MAP2K4: variants seen among roughly 807,000 people sequenced by gnomAD.
The protein encoded by MAP2K4 is mitogen-activated protein kinase kinase 4, also known as dual specificity mitogen-activated protein kinase kinase 4.
Under a neutral mutation model 48.5 loss-of-function variants are expected in MAP2K4, and 4 were observed. The observed-to-expected ratio is 0.08, with a 90% CI of 0.04 to 0.19. The LOEUF (loss-of-function observed/expected upper bound fraction) is 0.19. MAP2K4 is among the 10% of genes least tolerant of loss of function. The pLI is 1.00. For missense variants in MAP2K4, 258 were observed against 493.3 expected (o/e 0.52, Z 4.52); for synonymous variants, 166 against 173.1 (o/e 0.96, Z 0.32).
intron 8 of MAP2K4, 124 bp from the exon 9 acceptor site, chr17:12,129,015 C>A: frequency 1.3e-6 from 1 of 782,354 alleles, no homozygotes; most frequent in South Asian, 1.8e-5. Context: ...CCCAAGCTAA[C>A]CTGTGTTTAA....
At position 12,095,556 on chromosome 17, in the gene MAP2K4, T is replaced by G; in HGVS notation, c.394-19T>G. 1 of 1,613,356 alleles carries G rather than the reference T, an allele frequency of 6.2e-7. No individual in the cohort carries two copies. The highest frequency in any genetic ancestry group is 2.2e-5 in the East Asian group (1 of 44,794). On this transcript the variant is annotated intron_variant, in intron 3 of 10. Transcript: ENST00000353533. ...AAAATTATTGTGTTTTTTTGACATCTTTTGTCATTCTTTTCCAGAGAATTC... is the reference window on the plus strand; with the variant it reads ...AAAATTATTGTGTTTTTTTGACATCGTTTGTCATTCTTTTCCAGAGAATTC...
At chr17:12,061,771 T>C (rs188382170) in intron 2 of MAP2K4, among the ~76,000 whole-genome samples, 212 of 152,318 alleles carry the variant, frequency 1.4e-3, no homozygotes, top group African/African-American at 4.8e-3. Context: ...CAGGCAGTTA[T>C]GTTTTTGAGT....
At chr17:12,123,687 G>A (rs1224855397) in intron 7 of MAP2K4, among the ~76,000 whole-genome samples, 1 of 151,876 alleles carries the variant, frequency 6.6e-6, no homozygotes, top group African/African-American at 2.4e-5. Context: ...TTTCTTCTGA[G>A]CACTACTTCT....
chr17:12,027,893 A>G lies in MAP2K4; in HGVS notation c.115+6892A>G, dbSNP rs73977806. The stretch of plus-strand genomic sequence containing the variant: ...AGAAAGACTGGTTTTGTGTAGGTTA[A>G]GCTGGTCTGGTGAGCACCAGAAAGA... On this transcript the variant is annotated intron_variant, in intron 1 of 10. Transcript: ENST00000353533. Among the ~76,000 whole-genome samples the G allele has an allele frequency of 6.7e-3, 1,015 of 152,162 alleles. 16 individuals are homozygous for G. The highest frequency in any genetic ancestry group is 0.024 in the African/African-American group (982 of 41,508).
At chr17:12,068,328 TAC>T (rs1254333260) in intron 2 of MAP2K4, among the ~76,000 whole-genome samples, 1 of 152,230 alleles carries the variant, frequency 6.6e-6, no homozygotes, top group Non-Finnish European at 1.5e-5. Context: ...ACTGATTATT[TAC>T]AGTCTAAAGT....
intron 1 of MAP2K4, among the ~76,000 whole-genome samples, chr17:12,045,183 CAT>C (rs1491574713): frequency 6.6e-6 from 1 of 151,936 alleles, no homozygotes; most frequent in Admixed American, 6.6e-5. Flanking sequence ...GTGTTGTACA[CAT>C]TTTTTTTTTC....
At chr17:12,140,378 G>A (rs1383103332) in intron 10 of MAP2K4, among the ~76,000 whole-genome samples, 1 of 152,148 alleles carries the variant, frequency 6.6e-6, no homozygotes, top group African/African-American at 2.4e-5. Context: ...ATCTAATAAT[G>A]TGGGAATATT....
At chr17:12,062,825 T>C (rs1970492552) in intron 2 of MAP2K4, among the ~76,000 whole-genome samples, 1 of 152,184 alleles carries the variant, frequency 6.6e-6, no homozygotes, top group Non-Finnish European at 1.5e-5. Flanking sequence ...TTTTGTGATT[T>C]ATTGTGGGGA....
intron 2 of MAP2K4, among the ~76,000 whole-genome samples, chr17:12,075,693 G>A (rs1025778511): frequency 2.0e-5 from 3 of 152,198 alleles, no homozygotes; most frequent in Non-Finnish European, 4.4e-5. Context: ...AAATTGGCAT[G>A]AGGAAAAAGG....
intron 8 of MAP2K4, among the ~76,000 whole-genome samples, chr17:12,128,073 G>C (rs1972906849): frequency 6.6e-6 from 1 of 152,084 alleles, no homozygotes; most frequent in Admixed American, 6.6e-5. Context: ...AAAATTTGTA[G>C]GTTTTCTTTT....
chr17:12,106,165 T>A (rs1050306626), intron 4 of MAP2K4, among the ~76,000 whole-genome samples: 16 of 152,250 alleles, frequency 1.1e-4, no homozygotes, highest in African/African-American at 3.6e-4. Context: ...TTCTACTGTT[T>A]TTATAAGTGG....
At chr17:12,131,234 C>CTTTTTTTTTTTTTT (rs11307653) in intron 9 of MAP2K4, among the ~76,000 whole-genome samples, 2 of 130,932 alleles carry the variant, frequency 1.5e-5, no homozygotes, top group Admixed American at 7.9e-5. Context: ...GGTCACATTT[C>CTTTTTTTTTTTTTT]TTTTTTTTTT....
chr17:12,038,591 A>G (rs893804682), intron 1 of MAP2K4, among the ~76,000 whole-genome samples: 3 of 152,170 alleles, frequency 2.0e-5, no homozygotes, highest in South Asian at 2.1e-4. Context: ...TCTAGAGCCT[A>G]CTCTGAAGAA....
intron 2 of MAP2K4, among the ~76,000 whole-genome samples, chr17:12,065,258 A>ATAT (rs147921985): frequency 0.062 from 8,495 of 136,098 alleles, 432 homozygotes; most frequent in African/African-American, 0.14. Flanking sequence ...ATATATACAT[A>ATAT]TATTATTATT....
intron 2 of MAP2K4, among the ~76,000 whole-genome samples, chr17:12,059,900 G>A (rs887643378): frequency 1.3e-5 from 2 of 152,138 alleles, no homozygotes; most frequent in Non-Finnish European, 1.5e-5. Flanking sequence ...TGACGAGGCC[G>A]GGCACAGTTG....
chr17:12,110,279 C>G (rs1167268534), intron 5 of MAP2K4, 96 bp from the exon 6 acceptor site: 3 of 791,158 alleles, frequency 3.8e-6, no homozygotes, highest in Admixed American at 4.2e-5. Context: ...AAAATGTATG[C>G]AGAGGACTAC....
intron 9 of MAP2K4, among the ~76,000 whole-genome samples, chr17:12,131,195 A>C (rs1372808949): frequency 6.7e-6 from 1 of 150,104 alleles, no homozygotes; most frequent in African/African-American, 2.5e-5. Flanking sequence ...TTCAGAACCC[A>C]TTACGATCTG....
chr17:12,027,934 A>G (rs1347765220), intron 1 of MAP2K4, among the ~76,000 whole-genome samples: 1 of 152,192 alleles, frequency 6.6e-6, no homozygotes, highest in African/African-American at 2.4e-5. Flanking sequence ...AAGGTGCCAT[A>G]ATCGTTGCTC....
intron 7 of MAP2K4, among the ~76,000 whole-genome samples, chr17:12,119,249 T>C (rs12952796): frequency 0.9 from 137,380 of 152,216 alleles, 62,813 homozygotes; most frequent in East Asian, 1. Flanking sequence ...AATAACTATG[T>C]GTCTCACAAA....
Sources: allele counts gnomAD v4.1 joint callset (sites outside exome capture counted in the v4.1 genomes callset), GRCh38; gene constraint gnomAD v4.1.1; transcripts MANE v1.5; gene names NCBI Gene and HGNC (gene_info 2026-07-23, HGNC 2026-07-21).